The following KTN1 variants were observed in gnomAD, a reference collection of about 807,000 sequenced individuals.
KTN1 encodes kinectin 1.
Under a neutral mutation model 222.5 loss-of-function variants are expected in KTN1, and 130 were observed. The observed-to-expected ratio is 0.58, with a 90% confidence interval of 0.51 to 0.68. KTN1 has a LOEUF of 0.68. KTN1 is among the 30% of genes least tolerant of loss of function. KTN1 has a pLI of 0.00. For missense variants in KTN1, 1,508 were observed against 1,500.4 expected, an observed-to-expected ratio of 1.01 and a Z score of -0.08; for synonymous variants, 512 against 496.3, an observed-to-expected ratio of 1.03 and a Z score of -0.42.
In KTN1 at chr14:55,640,445, A is replaced by G; in HGVS notation, c.1983+3A>G. 2 of 1,595,750 alleles carry G rather than the reference A, an allele frequency of 1.3e-6. No individual in the cohort carries two copies. Among genetic ancestry groups the G allele is most frequent in the Non-Finnish European group, 1.7e-6 (2 of 1,169,234 alleles). ...TACAGGCCCTGGCAAATGAGCAGGT[A>G]GATCTTTATTGCTTTTGAGCATTGA... On this transcript the variant is annotated splice_donor_region_variant and intron_variant, in intron 15 of 43. Transcript: ENST00000395314.
chr14:55,645,131 G>A (rs1393181417), intron 18 of KTN1, among the ~76,000 whole-genome samples: 1 of 152,084 alleles, frequency 6.6e-6, no homozygotes, highest in African/African-American at 2.4e-5. Flanking sequence ...TGAAGGAGGT[G>A]GGGAGGTAAC....
chr14:55,677,241 C>A (rs1386159475), intron 41 of KTN1, among the ~76,000 whole-genome samples: 5 of 152,030 alleles, frequency 3.3e-5, no homozygotes, highest in African/African-American at 1.2e-4. Flanking sequence ...TTTGGGAGGC[C>A]AAGGTGGGCG....
intron 11 of KTN1, 61 bp downstream of exon 11, chr14:55,637,425 T>A: frequency 2.5e-6 from 3 of 1,180,612 alleles, no homozygotes; most frequent in Non-Finnish European, 3.5e-6. Context: ...TAGATCTGTG[T>A]GTCTAGAAGA....
At chr14:55,660,281 A>T (rs2043979919) in intron 31 of KTN1, among the ~76,000 whole-genome samples, 1 of 151,842 alleles carries the variant, frequency 6.6e-6, no homozygotes, top group Non-Finnish European at 1.5e-5. Context: ...GGGAGGCTGA[A>T]GTGGGAGGAT....
Position 55,664,029 on chromosome 14 carries a change from C to T in KTN1, c.3165C>T (p.Asn1055=), listed in dbSNP as rs774158128. The part of the protein sequence containing the change: ...STEKMLQDKV[N]KTSKERQQQV... ...AAAAAATGCTGCAGGACAAAGTGAA[C>T]AAGACTTCCAAGGTTGTAATGCTAA... is the stretch of plus-strand genomic sequence containing the variant. The change falls in exon 33 of 44, where the codon AAC becomes AAT. Residue 1055 remains asparagine, a synonymous_variant. Coordinates refer to ENST00000395314, the MANE Select transcript of KTN1 (RefSeq NM_001079521.2). 2 of 1,608,314 alleles carry T rather than the reference C, an allele frequency of 1.2e-6. No homozygotes were observed. Among genetic ancestry groups the T allele is most frequent in the Admixed American group, 1.7e-5 (1 of 59,952 alleles).
chr14:55,666,102 C>A (rs1014389721), intron 33 of KTN1, among the ~76,000 whole-genome samples: 1 of 151,868 alleles, frequency 6.6e-6, no homozygotes, highest in Non-Finnish European at 1.5e-5. Context: ...TAGTGGACTT[C>A]ATTGAATTAT....
chr14:55,672,984 G>C lies in KTN1; in HGVS notation c.3659G>C (p.Arg1220Pro). Residue 1220 changes from arginine to proline, a missense_variant, in exon 39 of 44, where the codon CGA becomes CCA. Physicochemically the swap from Arg to Pro is moderately radical, Grantham distance 103 (BLOSUM62 -2). Transcript: ENST00000395314. ...EMELEKAEME[R>P]STYVTEVREL... ...GAACTAGAAAAGGCAGAGATGGAAC[G>C]ATCTACCTATGTTACAGAAGTCAGA... The C allele has an allele frequency of 6.2e-7, 1 of 1,612,784 alleles. No homozygotes were observed. The highest frequency in any genetic ancestry group is 8.5e-7 in the Non-Finnish European group (1 of 1,178,938).
chr14:55,614,781 T>C (rs938457765), intron 2 of KTN1, among the ~76,000 whole-genome samples: 3 of 152,240 alleles, frequency 2.0e-5, no homozygotes, highest in Non-Finnish European at 2.9e-5. Context: ...AAGTTTTTAC[T>C]ACGTGGCCCT....
intron 31 of KTN1, among the ~76,000 whole-genome samples, chr14:55,659,912 G>A (rs761700546): frequency 2.0e-5 from 3 of 152,104 alleles, no homozygotes; most frequent in Non-Finnish European, 4.4e-5. Context: ...TTTGTTGAGG[G>A]AGATGTTTGT....
At chr14:55,589,869 G>A (rs1255548884) in intron 1 of KTN1, among the ~76,000 whole-genome samples, 1 of 151,870 alleles carries the variant, frequency 6.6e-6, no homozygotes, top group Non-Finnish European at 1.5e-5. Flanking sequence ...ATGTTGGCCA[G>A]GATGGTCTCG....
chr14:55,668,526 T>G (rs535480443), intron 34 of KTN1: 1 of 152,222 alleles, frequency 6.6e-6, no homozygotes, highest in South Asian at 2.1e-4. Flanking sequence ...AGATTAAGGC[T>G]CAGTATTTTG....
chr14:55,669,785 AG>A (rs2045281149), intron 34 of KTN1, among the ~76,000 whole-genome samples: 1 of 152,024 alleles, frequency 6.6e-6, no homozygotes, highest in African/African-American at 2.4e-5. Flanking sequence ...TTGATATTAA[AG>A]GTATTGTACT....
intron 34 of KTN1, among the ~76,000 whole-genome samples, chr14:55,669,571 T>G (rs1016875532): frequency 6.6e-6 from 1 of 151,974 alleles, no homozygotes. Context: ...GCTGTTTTGC[T>G]GAGCAGTCAA....
At chr14:55,633,428 G>T (rs1280403502) in intron 8 of KTN1, 87 bp downstream of exon 8, 7 of 747,852 alleles carry the variant, frequency 9.4e-6, no homozygotes, top group South Asian at 2.9e-5. Flanking sequence ...GATAGTAATT[G>T]GTTAGACTTT....
intron 1 of KTN1, among the ~76,000 whole-genome samples, chr14:55,599,401 A>G (rs757397280): frequency 1.3e-5 from 2 of 152,044 alleles, no homozygotes; most frequent in African/African-American, 2.4e-5. Context: ...GTTTTTTTCC[A>G]GAGAGATTTT....
At chr14:55,609,595 C>T (rs1454875639) in intron 1 of KTN1, among the ~76,000 whole-genome samples, 1 of 152,200 alleles carries the variant, frequency 6.6e-6, no homozygotes, top group Non-Finnish European at 1.5e-5. Flanking sequence ...CATACCCTCT[C>T]TTCTTGAACA....
At chr14:55,680,051 C>T in intron 43 of KTN1, 1 of 182,202 alleles carries the variant, frequency 5.5e-6, no homozygotes, top group South Asian at 1.5e-4. Flanking sequence ...TTCCTTCCTC[C>T]TTTCCTCCCT....
In KTN1 at chr14:55,640,975, C is replaced by G. The variant is rs775238126; in HGVS notation, c.2021+5C>G. 6.2e-6 allele frequency: 10 copies of G among 1,606,782 alleles called. No homozygotes were observed. Among genetic ancestry groups the G allele is most frequent in the Non-Finnish European group, 8.5e-6 (10 of 1,174,054 alleles). On this transcript the variant is annotated splice_donor_5th_base_variant and intron_variant, in intron 16 of 43. Coordinates refer to ENST00000395314, the MANE Select transcript of KTN1 (RefSeq NM_001079521.2). ...ATTGGAGAAGATGCAACAAAGGTGACTAAAGTATTGTACATCTAGTCGTTC... is the reference window on the plus strand; with the variant it reads ...ATTGGAGAAGATGCAACAAAGGTGAGTAAAGTATTGTACATCTAGTCGTTC...
intron 1 of KTN1, among the ~76,000 whole-genome samples, chr14:55,584,357 A>T (rs1447686913): frequency 6.6e-6 from 1 of 152,218 alleles, no homozygotes; most frequent in East Asian, 1.9e-4. Flanking sequence ...CTCTGCCCTG[A>T]TAGAAGTTGT....
Sources: allele counts gnomAD v4.1 joint callset (sites outside exome capture counted in the v4.1 genomes callset), GRCh38; gene constraint gnomAD v4.1.1; transcripts MANE v1.5; gene names NCBI Gene and HGNC (gene_info 2026-07-23, HGNC 2026-07-21).